The following NEDD4L variants were observed in gnomAD, a reference collection of about 807,000 sequenced individuals.
NEDD4L encodes NEDD4 like E3 ubiquitin protein ligase.
NEDD4L carries 54 observed loss-of-function variants against 148.9 expected under a neutral mutation model. That is an observed-to-expected ratio of 0.36 (90% CI 0.29 to 0.45). NEDD4L has a LOEUF of 0.45. Among genes scored for constraint, NEDD4L ranks in the 20% least tolerant of loss-of-function variants. The pLI, the probability that NEDD4L is intolerant of heterozygous loss-of-function variation, is 1.00. For missense variants in NEDD4L, 856 were observed against 1,233.8 expected (o/e 0.69, Z 4.59); for synonymous variants, 433 against 440.7 (o/e 0.98, Z 0.22).
intron 1 of NEDD4L, among the ~76,000 whole-genome samples, chr18:58,148,386 G>A (rs1424196864): frequency 6.6e-6 from 1 of 151,926 alleles, no homozygotes; most frequent in African/African-American, 2.4e-5. Context: ...GGCCGGTCTC[G>A]AACTCCTGAC....
chr18:58,240,221 C>A (rs1430935060), intron 2 of NEDD4L, among the ~76,000 whole-genome samples: 1 of 151,952 alleles, frequency 6.6e-6, no homozygotes, highest in African/African-American at 2.4e-5. Flanking sequence ...AGGTGTCTTA[C>A]TTGTGAGTGA....
intron 18 of NEDD4L, 70 bp from the exon 19 acceptor site, chr18:58,357,124 A>T (rs2145821409): frequency 7.1e-7 from 1 of 1,409,916 alleles, no homozygotes; most frequent in South Asian, 1.3e-5. Flanking sequence ...CTTCCTTCCA[A>T]AACTTTCTTT....
intron 2 of NEDD4L, among the ~76,000 whole-genome samples, chr18:58,242,470 TC>T (rs1263750548): frequency 2.6e-5 from 4 of 152,000 alleles, no homozygotes; most frequent in South Asian, 2.1e-4. Context: ...GGGCACCCGT[TC>T]TCCCCCTCTT....
At chr18:58,262,809 G>T (rs2049618724) in intron 5 of NEDD4L, among the ~76,000 whole-genome samples, 1 of 152,296 alleles carries the variant, frequency 6.6e-6, no homozygotes, top group South Asian at 2.1e-4. Context: ...GGCCTGATGT[G>T]AGTGGGCCTG....
intron 1 of NEDD4L, among the ~76,000 whole-genome samples, chr18:58,119,132 C>T (rs753147541): frequency 1.3e-5 from 2 of 152,210 alleles, no homozygotes; most frequent in Non-Finnish European, 2.9e-5. Context: ...CACCTCTAAG[C>T]TCTCAGGCTC....
intron 5 of NEDD4L, among the ~76,000 whole-genome samples, chr18:58,258,944 G>A (rs2048976071): frequency 6.6e-6 from 1 of 152,060 alleles, no homozygotes; most frequent in Admixed American, 6.5e-5. Flanking sequence ...AAGCTTTTTT[G>A]GCGTTTCAAA....
At chr18:58,302,283 C>T (rs1207389298) in intron 5 of NEDD4L, among the ~76,000 whole-genome samples, 8 of 152,032 alleles carry the variant, frequency 5.3e-5, no homozygotes, top group African/African-American at 1.9e-4. Flanking sequence ...AGAGAGTGTC[C>T]CCGTTTTGAG....
chr18:58,279,898 G>A (rs1013553190), intron 5 of NEDD4L, among the ~76,000 whole-genome samples: 3 of 152,096 alleles, frequency 2.0e-5, no homozygotes, highest in African/African-American at 7.2e-5. Context: ...TAACATACAC[G>A]GATGTTGAGC....
chr18:58,386,036 C>G (rs1377814462), intron 26 of NEDD4L, among the ~76,000 whole-genome samples: 4 of 150,388 alleles, frequency 2.7e-5, no homozygotes, highest in African/African-American at 4.9e-5. Context: ...GCTGCCTGGG[C>G]TTGATTGATT....
chr18:58,319,868 A>G (rs150757050), intron 6 of NEDD4L, among the ~76,000 whole-genome samples: 19 of 152,304 alleles, frequency 1.2e-4, no homozygotes, highest in African/African-American at 3.9e-4. Context: ...TGAGTGTGCC[A>G]GGTGCCCTTG....
chr18:58,087,180 C>T (rs1433419054), intron 1 of NEDD4L, among the ~76,000 whole-genome samples: 1 of 152,248 alleles, frequency 6.6e-6, no homozygotes, highest in Admixed American at 6.5e-5. Flanking sequence ...ACCTTCAACA[C>T]TCTGGAAATT....
chr18:58,125,344 C>T (rs1024365106), intron 1 of NEDD4L, among the ~76,000 whole-genome samples: 2 of 144,350 alleles, frequency 1.4e-5, no homozygotes, highest in African/African-American at 2.7e-5. Context: ...CTGTCCTCTT[C>T]CCCCCACCAG....
At chr18:58,263,949 A>G (rs2049850573) in intron 5 of NEDD4L, among the ~76,000 whole-genome samples, 1 of 149,748 alleles carries the variant, frequency 6.7e-6, no homozygotes, top group Non-Finnish European at 1.5e-5. Flanking sequence ...ACTGGAAACT[A>G]TCAGCATACC....
intron 1 of NEDD4L, among the ~76,000 whole-genome samples, chr18:58,084,892 C>G (rs1357974557): frequency 6.6e-6 from 1 of 151,784 alleles, no homozygotes; most frequent in Admixed American, 6.6e-5. Context: ...ACTGGGTCTT[C>G]CTATGTTGCC....
At chr18:58,116,205 T>G (rs2085826503) in intron 1 of NEDD4L, among the ~76,000 whole-genome samples, 1 of 152,240 alleles carries the variant, frequency 6.6e-6, no homozygotes, top group African/African-American at 2.4e-5. Flanking sequence ...CGCTCAGAAT[T>G]GCGTTTCTTA....
chr18:58,335,792 C>A, intron 13 of NEDD4L: 1 of 355,858 alleles, frequency 2.8e-6, no homozygotes. Flanking sequence ...TTTAACTTGA[C>A]CATTTAGAAG....
chr18:58,207,550 C>A (rs539319972), intron 2 of NEDD4L, among the ~76,000 whole-genome samples: 2 of 152,268 alleles, frequency 1.3e-5, no homozygotes, highest in African/African-American at 4.8e-5. Flanking sequence ...CTGTGCAGAA[C>A]CAGCCAGTAG....
At chr18:58,164,705 G>A (rs895657801) in intron 1 of NEDD4L, among the ~76,000 whole-genome samples, 1 of 152,172 alleles carries the variant, frequency 6.6e-6, no homozygotes, top group Non-Finnish European at 1.5e-5. Flanking sequence ...TCCTGTCCTC[G>A]TGATCCGCCT....
chr18:58,281,226 C>T (rs560439702), intron 5 of NEDD4L, among the ~76,000 whole-genome samples: 122 of 152,180 alleles, frequency 8.0e-4, no homozygotes, highest in Non-Finnish European at 1.4e-3. Context: ...AATCATCCTG[C>T]CCTGGCCTCC....
Sources: allele counts gnomAD v4.1 joint callset (sites outside exome capture counted in the v4.1 genomes callset), GRCh38; gene constraint gnomAD v4.1.1; transcripts MANE v1.5; gene names NCBI Gene and HGNC (gene_info 2026-07-23, HGNC 2026-07-21).